Variants in OR2AG2 observed in about 807,000 individuals in gnomAD.
The protein encoded by OR2AG2 is olfactory receptor 2AG2.
For synonymous variants in OR2AG2, 167 were observed against 157.1 expected (o/e 1.06, Z -0.47); for missense variants, 390 against 391.9 (o/e 1.00, Z 0.04).
Position 6,768,717 on chromosome 11 carries a change from C to A in OR2AG2, c.241G>T (p.Ala81Ser). 1 of 1,614,134 alleles carries A rather than the reference C, an allele frequency of 6.2e-7. No homozygotes were observed. Among genetic ancestry groups the A allele is most frequent in the Non-Finnish European group, 8.5e-7 (1 of 1,180,022 alleles). The change falls in exon 2 of 2, where the codon GCC becomes TCC. Residue 81 changes from alanine (A) to serine (S), a missense_variant. Coordinates refer to ENST00000641124, the MANE Select transcript of OR2AG2 (RefSeq NM_001004490.2). ...LLFTSVVTPK[A>S]LADFLRRENT... ...TCTCTGCGCAGAAAGTCCGCAAGGG[C>A]CTTGGGAGTGACAACAGATGTGAAC...
In OR2AG2 at chr11:6,767,063, T is replaced by C. The variant is rs941685220; in HGVS notation, c.*944A>G. The C allele has an allele frequency of 2.6e-5, 4 of 151,866 alleles. No individual in the cohort carries two copies. The highest frequency in any genetic ancestry group is 9.7e-5 in the African/African-American group (4 of 41,200). 9.4% of individuals were successfully genotyped at this position (151,866 alleles called of 1,614,324 possible). ...AAATATCTTTCTTTATCCTTTTCCATTCTTTCTTTCTATTTATTTATTTAT... is the reference window on the plus strand; with the variant it reads ...AAATATCTTTCTTTATCCTTTTCCACTCTTTCTTTCTATTTATTTATTTAT... On this transcript the variant is annotated 3_prime_UTR_variant, in exon 2 of 2. Transcript: ENST00000641124.
At position 6,766,454 on chromosome 11, in the gene OR2AG2, T is replaced by A. The variant is rs910344485; in HGVS notation, c.*1553A>T. 81 of 152,328 alleles carry A rather than the reference T, an allele frequency of 5.3e-4. 1 individual carries two copies. Among genetic ancestry groups the A allele is most frequent in the African/African-American group, 1.9e-3 (77 of 41,588 alleles). 9.4% of individuals were successfully genotyped at this position (152,328 alleles called of 1,614,324 possible). On this transcript the variant is annotated 3_prime_UTR_variant, in exon 2 of 2. Transcript: ENST00000641124. ...GATTTTTGATTTATTCTAATTTTTT[T>A]AATTTTCTCAGTTTTTATAACAAAG...
chr11:6,767,730 T>G lies in OR2AG2; in HGVS notation c.*277A>C, dbSNP rs1847390896. On this transcript the variant is annotated 3_prime_UTR_variant, in exon 2 of 2. Transcript: ENST00000641124. The stretch of plus-strand genomic sequence containing the variant: ...AGGACGATGCCTACCACAGAGTGAG[T>G]CTACAACACCCATTCAAGGCTTTTC... 4.8e-6 allele frequency: 2 copies of G among 417,782 alleles called. No individual in the cohort carries two copies. The highest frequency in any genetic ancestry group is 4.2e-6 in the Non-Finnish European group (1 of 235,304). The allele number at this position is 417,782 out of a possible 1,614,324, so 25.9% of individuals were successfully genotyped here.
At chr11:6,769,781 G>T (rs1847430371) in intron 1 of OR2AG2, among the ~76,000 whole-genome samples, 1 of 152,116 alleles carries the variant, frequency 6.6e-6, no homozygotes, top group African/African-American at 2.4e-5. Context: ...GTGAGAAGAA[G>T]ATTTCTCCCC....
chr11:6,768,150 G>C lies in OR2AG2; in HGVS notation c.808C>G (p.Gln270Glu). 2 of 1,614,186 alleles carry C rather than the reference G, an allele frequency of 1.2e-6. No individual in the cohort carries two copies. The highest frequency in any genetic ancestry group is 1.7e-6 in the Non-Finnish European group (2 of 1,180,026). ...VLPSSFHSPK[Q>E]DNIISVFYTI... ...TAGAAAACAGAGATGATGTTGTCTT[G>C]TTTGGGGCTGTGGAAGGAACTGGGC... Residue 270 changes from glutamine (Q) to glutamate (E), a missense_variant, in exon 2 of 2, where the codon CAA becomes GAA. Gln to Glu is a conservative substitution (Grantham distance 29, BLOSUM62 2). Transcript: ENST00000641124.
At position 6,769,025 on chromosome 11, in the gene OR2AG2, C is replaced by A; in HGVS notation, c.-68G>T. ...GGAAGCTTTTCTAAAGGTGTTCACT[C>A]TAGCTTTGGATTGTTCTAGGTCACT... is the stretch of plus-strand genomic sequence containing the variant. On this transcript the variant is annotated 5_prime_UTR_variant, in exon 2 of 2. Coordinates refer to ENST00000641124, the MANE Select transcript of OR2AG2 (RefSeq NM_001004490.2). 1 of 1,153,968 alleles carries A rather than the reference C, an allele frequency of 8.7e-7. No individual in the cohort carries two copies. The allele number at this position is 1,153,968 out of a possible 1,614,324, so 71.5% of individuals were successfully genotyped here.
rs564297651 is a variant in OR2AG2, at chr11:6,768,203, T to C, written c.755A>G (p.Tyr252Cys). The C allele has an allele frequency of 3.8e-5, 62 of 1,614,186 alleles. No homozygotes were observed. In the East Asian group the frequency reaches 4.7e-4, roughly 12 times the overall value. ...SSHLIVVGMF[Y>C]GAATFMYVLP... is the part of the protein sequence containing the mutation. Reference sequence around the variant, plus strand: ...GACATACATGAATGTGGCAGCTCCATAGAACATCCCGACCACAATCAGGTG... The same window carrying C: ...GACATACATGAATGTGGCAGCTCCACAGAACATCCCGACCACAATCAGGTG... Residue 252 changes from tyrosine to cysteine, a missense_variant, in exon 2 of 2, where the codon TAT becomes TGT. By Grantham distance (194) the Tyr-to-Cys change is radical (BLOSUM62 -2). Coordinates refer to ENST00000641124, the MANE Select transcript of OR2AG2 (RefSeq NM_001004490.2).
rs763072809 is a variant in OR2AG2, at chr11:6,768,466, CATAGTGTACATGGT to C, written c.478_491del (p.Thr160AlafsTer16). On this transcript the variant is annotated frameshift_variant, in exon 2 of 2. Coordinates refer to ENST00000641124, the MANE Select transcript of OR2AG2 (RefSeq NM_001004490.2). LOFTEE classifies it low-confidence loss of function (END_TRUNC). The stretch of plus-strand genomic sequence containing the variant: ...CCCAGGACACACAGAAAGGGAGGTG[CATAGTGTACATGGT>C]ATGTCCTATAGCAATCAGGGATGCC... 1 of 1,614,112 alleles carries C rather than the reference CATAGTGTACATGGT, an allele frequency of 6.2e-7. No individual in the cohort carries two copies. The highest frequency in any genetic ancestry group is 1.1e-5 in the South Asian group (1 of 91,070).
Position 6,766,457 on chromosome 11 carries a change from T to C in OR2AG2, c.*1550A>G, listed in dbSNP as rs1482317106. ...TTTTGATTTATTCTAATTTTTTTAA[T>C]TTTCTCAGTTTTTATAACAAAGTTG... is the stretch of plus-strand genomic sequence containing the variant. On this transcript the variant is annotated 3_prime_UTR_variant, in exon 2 of 2. Coordinates refer to ENST00000641124, the MANE Select transcript of OR2AG2 (RefSeq NM_001004490.2). 6.6e-6 allele frequency: 1 copy of C among 152,192 alleles called. No individual in the cohort carries two copies. The highest frequency in any genetic ancestry group is 1.9e-4 in the East Asian group (1 of 5,206). The allele number at this position is 152,192 out of a possible 1,614,324, so 9.4% of individuals were successfully genotyped here.
Position 6,766,838 on chromosome 11 carries a change from T to A in OR2AG2, c.*1169A>T, listed in dbSNP as rs1173496860. Reference sequence around the variant, plus strand: ...ATAACCTCTTTCAATTGTTTTAATGTTTAAAAACACATTCACATATCTGCA... The same window carrying A: ...ATAACCTCTTTCAATTGTTTTAATGATTAAAAACACATTCACATATCTGCA... On this transcript the variant is annotated 3_prime_UTR_variant, in exon 2 of 2. Transcript: ENST00000641124. 6.6e-6 allele frequency: 1 copy of A among 152,196 alleles called. No individual in the cohort carries two copies. The highest frequency in any genetic ancestry group is 2.4e-5 in the African/African-American group (1 of 41,456). 9.4% of individuals were successfully genotyped at this position (152,196 alleles called of 1,614,324 possible).
At position 6,769,496 on chromosome 11, in the gene OR2AG2, T is replaced by A. The variant is rs1408948520; in HGVS notation, c.-537-2A>T. 1 of 153,998 alleles carries A rather than the reference T, an allele frequency of 6.5e-6. No individual in the cohort carries two copies. The highest frequency in any genetic ancestry group is 2.4e-5 in the African/African-American group (1 of 41,462). The allele number at this position is 153,998 out of a possible 1,614,324, so 9.5% of individuals were successfully genotyped here. A position where few individuals can be genotyped will look rare whatever the true frequency, so the allele number is the denominator to read the frequency against. ...CTGGACTCTTCAAGTGCTGCTCTGC[T>A]GGAGGGAAAGAGAATTCTGGGCTGA... is the stretch of plus-strand genomic sequence containing the variant. On this transcript the variant is annotated splice_acceptor_variant, in intron 1 of 1. Coordinates refer to ENST00000641124, the MANE Select transcript of OR2AG2 (RefSeq NM_001004490.2). LOFTEE classifies it low-confidence loss of function (5UTR_SPLICE).
At position 6,768,663 on chromosome 11, in the gene OR2AG2, G is replaced by C. The variant is rs1381866152; in HGVS notation, c.295C>G (p.Leu99Val). ...ENTISFGGCALQMFLALTMGS... is the reference protein window; with the variant it reads ...ENTISFGGCAVQMFLALTMGS... ...ATTGTCAGTGCCAGGAACATCTGAA[G>C]TGCACAGCCTCCAAAGGAGATAGTG... is the stretch of plus-strand genomic sequence containing the variant. Residue 99 changes from leucine (L) to valine (V), a missense_variant, in exon 2 of 2, where the codon CTT (leucine) becomes GTT (valine). Transcript: ENST00000641124. The C allele has an allele frequency of 5.6e-6, 9 of 1,614,084 alleles. No homozygotes were observed. Among genetic ancestry groups the C allele is most frequent in the Non-Finnish European group, 6.8e-6 (8 of 1,180,042 alleles).
Position 6,765,663 on chromosome 11 carries a change from G to C in OR2AG2, c.*2344C>G, listed in dbSNP as rs1284357632. The C allele has an allele frequency of 6.6e-6, 1 of 152,132 alleles. No homozygotes were observed. The highest frequency in any genetic ancestry group is 1.5e-5 in the Non-Finnish European group (1 of 68,002). The allele number at this position is 152,132 out of a possible 1,614,324, so 9.4% of individuals were successfully genotyped here. A position where few individuals can be genotyped will look rare whatever the true frequency, so the allele number is the denominator to read the frequency against. On this transcript the variant is annotated 3_prime_UTR_variant, in exon 2 of 2. Transcript: ENST00000641124. ...CCTGTAAGCTGAATTTACAGAAACA[G>C]AGAGTAAAATGGTGGTTACCAAATG...
Position 6,768,864 on chromosome 11 carries a change from T to C in OR2AG2, c.94A>G (p.Thr32Ala), listed in dbSNP as rs755350336. ...GTCAGTGCCAACATGTATAGGATTG[T>C]AAATGTAGCATAGAGCAGTTCAGGA... ...GSPELLYATF[T>A]ILYMLALTSN... The change falls in exon 2 of 2, where the codon ACA (threonine) becomes GCA (alanine). Residue 32 changes from threonine to alanine, a missense_variant. Coordinates refer to ENST00000641124, the MANE Select transcript of OR2AG2 (RefSeq NM_001004490.2). 1.8e-5 allele frequency: 29 copies of C among 1,614,112 alleles called. No homozygotes were observed. The Admixed American group carries it at 4.3e-4, about 24-fold the overall frequency.
Position 6,768,753 on chromosome 11 carries a change from TGA to T in OR2AG2, c.203_204del (p.Leu68HisfsTer41), listed in dbSNP as rs1847411509. The T allele has an allele frequency of 6.2e-7, 1 of 1,614,068 alleles. No homozygotes were observed. The highest frequency in any genetic ancestry group is 8.5e-7 in the Non-Finnish European group (1 of 1,179,998). On this transcript the variant is annotated frameshift_variant, in exon 2 of 2. Transcript: ENST00000641124. LOFTEE classifies it low-confidence loss of function (END_TRUNC). ...ACAACAGATGTGAACAGGAGGTCCA[TGA>T]GAGAGAGCTGCCCAAGCAGGAGGTA... is the stretch of plus-strand genomic sequence containing the variant. Reference protein sequence around the residue: ...PMYLLLGQLSLMDLLFTSVVT... With the variant: ...PMYLLLGQLSXMDLLFTSVVT...
In OR2AG2 at chr11:6,771,817, C is replaced by A. The variant is rs961853911; in HGVS notation, c.-733G>T. On this transcript the variant is annotated 5_prime_UTR_variant, in exon 1 of 2. Transcript: ENST00000641124. ...ATAGATGCAGACAGGCAGCTGAGAA[C>A]CTAGGGCAGGATCCTGCAGAAGTGA... 6.6e-6 allele frequency: 1 copy of A among 152,244 alleles called. No homozygotes were observed. Among genetic ancestry groups the A allele is most frequent in the South Asian group, 2.1e-4 (1 of 4,820 alleles). 9.4% of individuals were successfully genotyped at this position (152,244 alleles called of 1,614,324 possible). A position where few individuals can be genotyped will look rare whatever the true frequency, so the allele number is the denominator to read the frequency against.
In OR2AG2 at chr11:6,767,955, T is replaced by C; in HGVS notation, c.*52A>G. ...TTTATTTGGAGCAGGAATGAGTGAG[T>C]AGAGAATTTTATCTGGAGGAGGAAT... is the stretch of plus-strand genomic sequence containing the variant. On this transcript the variant is annotated 3_prime_UTR_variant, in exon 2 of 2. Transcript: ENST00000641124. 1 of 1,442,100 alleles carries C rather than the reference T, an allele frequency of 6.9e-7. No homozygotes were observed. The highest frequency in any genetic ancestry group is 1.9e-5 in the Admixed American group (1 of 51,466). The allele number at this position is 1,442,100 out of a possible 1,614,324, so 89.3% of individuals were successfully genotyped here.
At position 6,768,021 on chromosome 11, in the gene OR2AG2, G is replaced by A. The variant is rs1282354064; in HGVS notation, c.937C>T (p.His313Tyr). ...ATGATCCTTCCCTAGAGCGTGGAAT[G>A]TGCCAGCAGTATGTATTTTCCCAGG... ...RVLGKYILLA[H>Y]STL The change falls in exon 2 of 2, where the codon CAT becomes TAT. Residue 313 changes from histidine to tyrosine, a missense_variant. By Grantham distance (83) the His-to-Tyr change is moderately conservative. Coordinates refer to ENST00000641124, the MANE Select transcript of OR2AG2 (RefSeq NM_001004490.2). 11 of 1,612,300 alleles carry A rather than the reference G, an allele frequency of 6.8e-6. No individual in the cohort carries two copies. In the Admixed American group the frequency reaches 8.3e-5, roughly 12 times the overall value.
At position 6,767,949 on chromosome 11, in the gene OR2AG2, A is replaced by G; in HGVS notation, c.*58T>C. The stretch of plus-strand genomic sequence containing the variant: ...GAGAATTTTATTTGGAGCAGGAATG[A>G]GTGAGTAGAGAATTTTATCTGGAGG... On this transcript the variant is annotated 3_prime_UTR_variant, in exon 2 of 2. Transcript: ENST00000641124. The G allele has an allele frequency of 1.4e-6, 2 of 1,380,632 alleles. No homozygotes were observed. Among genetic ancestry groups the G allele is most frequent in the Non-Finnish European group, 1.0e-6 (1 of 998,590 alleles). The allele number at this position is 1,380,632 out of a possible 1,614,324, so 85.5% of individuals were successfully genotyped here.
Sources: allele counts gnomAD v4.1 joint callset (sites outside exome capture counted in the v4.1 genomes callset), GRCh38; gene constraint gnomAD v4.1.1; transcripts MANE v1.5; gene names NCBI Gene and HGNC (gene_info 2026-07-23, HGNC 2026-07-21).